Variants in MACF1 observed in about 807,000 individuals in gnomAD.
MACF1 encodes microtubule actin crosslinking factor 1.
Under a neutral mutation model 854.8 loss-of-function variants are expected in MACF1, and 193 were observed. That is an observed-to-expected ratio of 0.23 (90% CI 0.20 to 0.25). MACF1 has a LOEUF of 0.25. Among genes scored for constraint, MACF1 ranks in the 10% least tolerant of loss-of-function variants. The probability of loss-of-function intolerance (pLI) is 1.00; values close to 1 mark genes in which losing one functional copy is unlikely to be tolerated. For synonymous variants in MACF1, 3,185 were observed against 3,226.7 expected (o/e 0.99, Z 0.44); for missense variants, 7,722 against 8,929.1 (o/e 0.86, Z 5.45).
At position 39,105,956 on chromosome 1, in the gene MACF1, T is replaced by C. The variant is rs369728025; in HGVS notation, c.220+21518T>C. On this transcript the variant is annotated intron_variant, in intron 2 of 93. Coordinates refer to the MACF1 transcript ENST00000361689. This position sits in a 1 kb window ranked among gnomAD's most constrained non-coding sequence, Gnocchi z 5.9. ...AGCGCCAGTTACATGATTTGCCCTA[T>C]TATCCGGCCCCAGCTGGAAGAAGGC... is the stretch of plus-strand genomic sequence containing the variant. Among the ~76,000 whole-genome samples, 6 of 152,238 alleles carry C rather than the reference T, an allele frequency of 3.9e-5. No homozygotes were observed. The highest frequency in any genetic ancestry group is 7.2e-5 in the African/African-American group (3 of 41,550).
At chr1:39,089,436 G>C (rs886368272) in intron 2 of MACF1, among the ~76,000 whole-genome samples, 10 of 152,192 alleles carry the variant, frequency 6.6e-5, no homozygotes, top group African/African-American at 2.4e-4. Context: ...CTGCTCCATT[G>C]TGGCCTTCTA....
rs139238480 is a variant in MACF1, at chr1:39,451,188, A to G, written c.20395A>G (p.Met6799Val). The stretch of plus-strand genomic sequence containing the variant: ...CGTGCACGGGGACCTTGACCTCGTC[A>G]TGAACCTCATGGATGCACACAAGGT... The part of the protein sequence containing the change: ...QPVHGDLDLV[M>V]NLMDAHKVFQ... Residue 6799 changes from methionine to valine, a missense_variant, in exon 85 of 101, where the codon ATG becomes GTG. Coordinates refer to ENST00000564288, the MANE Select transcript of MACF1 (RefSeq NM_001394062.1). The G allele has an allele frequency of 3.1e-6, 5 of 1,614,094 alleles. No homozygotes were observed. Among genetic ancestry groups the G allele is most frequent in the Middle Eastern group, 1.6e-4 (1 of 6,062 alleles).
intron 15 of MACF1, among the ~76,000 whole-genome samples, chr1:39,288,647 C>T (rs1005335333): frequency 2.0e-5 from 3 of 151,748 alleles, no homozygotes; most frequent in Non-Finnish European, 4.4e-5. Flanking sequence ...GAAAACTAAC[C>T]GGGAATGATG....
intron 6 of MACF1, among the ~76,000 whole-genome samples, chr1:39,278,340 G>A (rs1485496849): frequency 2.0e-5 from 3 of 152,154 alleles, no homozygotes; most frequent in Non-Finnish European, 4.4e-5. Context: ...CTAGGTAATG[G>A]CCCTAATCCA....
intron 2 of MACF1, among the ~76,000 whole-genome samples, chr1:39,108,428 T>C (rs1642302860): frequency 6.6e-6 from 1 of 151,476 alleles, no homozygotes; most frequent in African/African-American, 2.4e-5. Context: ...AGAACAGAGA[T>C]AGTATGGAAG....
At chr1:39,397,196 A>C (rs1432057554) in intron 58 of MACF1, among the ~76,000 whole-genome samples, 1 of 152,088 alleles carries the variant, frequency 6.6e-6, no homozygotes, top group Non-Finnish European at 1.5e-5. Flanking sequence ...ATGTGCCTTG[A>C]CTTACAGTGA....
At chr1:39,120,583 C>T (rs1336029649) in intron 2 of MACF1, among the ~76,000 whole-genome samples, 3 of 152,054 alleles carry the variant, frequency 2.0e-5, no homozygotes, top group South Asian at 2.1e-4. Context: ...AGGCAGGTCT[C>T]GAACTCCTGA....
At chr1:39,234,512 A>C (rs1218726076) in intron 2 of MACF1, among the ~76,000 whole-genome samples, 1 of 60,892 alleles carries the variant, frequency 1.6e-5, no homozygotes, top group Non-Finnish European at 3.4e-5. Context: ...GGCGCCCCTC[A>C]CCTCCCGGAC....
Position 39,452,751 on chromosome 1 carries a change from G to A in MACF1, c.20681G>A (p.Arg6894His). 2 of 1,614,002 alleles carry A rather than the reference G, an allele frequency of 1.2e-6. No individual in the cohort carries two copies. Among genetic ancestry groups the A allele is most frequent in the Admixed American group, 1.7e-5 (1 of 60,018 alleles). The change falls in exon 87 of 101, where the codon CGC becomes CAC. Residue 6894 changes from arginine (R) to histidine (H), a missense_variant. Physicochemically the swap from Arg to His is conservative, Grantham distance 29. Around this residue, in one of 15 missense-constraint regions of MACF1, gnomAD observed 729 missense variants for 900.5 expected, o/e 0.81. Coordinates refer to ENST00000564288, the MANE Select transcript of MACF1 (RefSeq NM_001394062.1). Reference protein sequence around the residue: ...EWLSEAEQTLRFRGALPDDTE... With the variant: ...EWLSEAEQTLHFRGALPDDTE... ...CTTTCTGAAGCAGAGCAAACGCTTC[G>A]CTTTCGGGGAGCACTTCCTGATGAC...
At chr1:39,231,806 A>G (rs1183661856) in intron 2 of MACF1, among the ~76,000 whole-genome samples, 1 of 151,936 alleles carries the variant, frequency 6.6e-6, no homozygotes, top group East Asian at 1.9e-4. Flanking sequence ...CTGCCTCCCA[A>G]AGTGTTAGGA....
chr1:39,163,067 T>C (rs1557491194), intron 2 of MACF1, among the ~76,000 whole-genome samples: 1 of 152,144 alleles, frequency 6.6e-6, no homozygotes, highest in Non-Finnish European at 1.5e-5. Flanking sequence ...AGAAACTCCA[T>C]AGTCGCCGGG....
In MACF1 at chr1:39,447,753, A is replaced by G; in HGVS notation, c.19823A>G (p.Asn6608Ser). Residue 6608 changes from asparagine (N) to serine (S), a missense_variant, in exon 82 of 101, where the codon AAT becomes AGT. This residue lies in a region of MACF1 where 729 missense variants were observed against 900.5 expected (regional missense o/e 0.81). Coordinates refer to ENST00000564288, the MANE Select transcript of MACF1 (RefSeq NM_001394062.1). ...ATCATTGAGCTGGATCAAACTGGGA[A>G]TCAATTAAAGTTCCTTAGCCAAAAG... The part of the protein sequence containing the change: ...DQIIELDQTG[N>S]QLKFLSQKQD... 4.3e-6 allele frequency: 7 copies of G among 1,614,152 alleles called. No individual in the cohort carries two copies. Among genetic ancestry groups the G allele is most frequent in the Non-Finnish European group, 5.9e-6 (7 of 1,180,012 alleles).
rs1285134236 is a variant in MACF1 at position 39,487,029 on chromosome 1, A to G, written c.*1235A>G. On this transcript the variant is annotated 3_prime_UTR_variant, in exon 101 of 101. Coordinates refer to ENST00000564288, the MANE Select transcript of MACF1 (RefSeq NM_001394062.1). ...TTTCTTTTCAACTATTACCTTATCTATAAATGTTACCCTGGGGTATAATCA... is the reference window on the plus strand; with the variant it reads ...TTTCTTTTCAACTATTACCTTATCTGTAAATGTTACCCTGGGGTATAATCA... 6.6e-6 allele frequency: 1 copy of G among 152,528 alleles called. No individual in the cohort carries two copies. Among genetic ancestry groups the G allele is most frequent in the African/African-American group, 2.4e-5 (1 of 41,454 alleles). The allele number at this position is 152,528 out of a possible 1,614,324, so 9.4% of individuals were successfully genotyped here. A position where few individuals can be genotyped will look rare whatever the true frequency, so the allele number is the denominator to read the frequency against.
Position 39,322,981 on chromosome 1 carries a change from T to A in MACF1, c.4209T>A (p.Asp1403Glu), listed in dbSNP as rs755271392. The A allele has an allele frequency of 6.2e-7, 1 of 1,614,122 alleles. No individual in the cohort carries two copies. Among genetic ancestry groups the A allele is most frequent in the Non-Finnish European group, 8.5e-7 (1 of 1,179,976 alleles). The change falls in exon 33 of 101, where the codon GAT becomes GAA. Residue 1403 changes from aspartate (D) to glutamate (E), a missense_variant. Transcript: ENST00000564288. ...CTCAGCACGTGAAATACATCAGTGA[T>A]GCACTCCGGCGTCTGGAGGAGGAGG... is the stretch of plus-strand genomic sequence containing the variant. ...LTTQHVKYIS[D>E]ALRRLEEEEK...
intron 6 of MACF1, among the ~76,000 whole-genome samples, chr1:39,262,412 A>AAG (rs1645174159): frequency 6.6e-6 from 1 of 151,034 alleles, no homozygotes; most frequent in South Asian, 2.1e-4. Flanking sequence ...AAAAAAAAAA[A>AAG]AAAAAAAGAA....
At position 39,433,138 on chromosome 1, in the gene MACF1, C is replaced by CA. The variant is rs1182893715; in HGVS notation, c.17554dup (p.Thr5852AsnfsTer15). On this transcript the variant is annotated frameshift_variant, in exon 68 of 101. Coordinates refer to ENST00000564288, the MANE Select transcript of MACF1 (RefSeq NM_001394062.1). LOFTEE classifies it high-confidence loss of function. ...AATCTTTGGCACATGTGGGGAGGAG[C>CA]AAAAAACTGTATTACAGGTGAATTA... 6.3e-7 allele frequency: 1 copy of CA among 1,598,378 alleles called. No individual in the cohort carries two copies. Among genetic ancestry groups the CA allele is most frequent in the Non-Finnish European group, 8.6e-7 (1 of 1,169,426 alleles).
At chr1:39,122,915 C>A (rs1043740020) in intron 2 of MACF1, among the ~76,000 whole-genome samples, 2 of 152,078 alleles carry the variant, frequency 1.3e-5, no homozygotes, top group African/African-American at 4.8e-5. Context: ...CTGTTAGCTT[C>A]CTCTTAGGTA....
At chr1:39,376,924 G>A (rs765393238) in intron 52 of MACF1, among the ~76,000 whole-genome samples, 1 of 151,342 alleles carries the variant, frequency 6.6e-6, no homozygotes, top group African/African-American at 2.4e-5. Context: ...ACAGGGTCTC[G>A]TGTTGCCTAG....
At chr1:39,111,176 G>A (rs551001494) in intron 2 of MACF1, among the ~76,000 whole-genome samples, 1 of 152,198 alleles carries the variant, frequency 6.6e-6, no homozygotes, top group East Asian at 1.9e-4. Context: ...TTTCTGGCCT[G>A]GTAAATGGCT....
Sources: allele counts gnomAD v4.1 joint callset (sites outside exome capture counted in the v4.1 genomes callset), GRCh38; gene constraint gnomAD v4.1.1; regional missense constraint gnomAD v4.1.1; non-coding constraint Gnocchi (gnomAD v3.1); transcripts MANE v1.5; gene names NCBI Gene and HGNC (gene_info 2026-07-23, HGNC 2026-07-21).